The following KLHL1 variants were observed in gnomAD, a reference collection of about 807,000 sequenced individuals.
KLHL1 encodes kelch-like protein 1.
KLHL1 carries 47 observed loss-of-function variants against 77.7 expected under a neutral mutation model. That is an observed-to-expected ratio of 0.60 (90% CI 0.48 to 0.77). The LOEUF is 0.77. KLHL1 is among the 30% of genes least tolerant of loss of function. The pLI is 0.00. For synonymous variants in KLHL1, 360 were observed against 325.2 expected, an observed-to-expected ratio of 1.11 and a Z score of -1.15; for missense variants, 925 against 910.8, an observed-to-expected ratio of 1.02 and a Z score of -0.20.
intron 7 of KLHL1, among the ~76,000 whole-genome samples, chr13:69,762,590 C>G (rs750954930): frequency 7.3e-5 from 11 of 150,766 alleles, no homozygotes; most frequent in Non-Finnish European, 1.3e-4. Flanking sequence ...CTCATAATCT[C>G]ACAAATCAGA....
intron 7 of KLHL1, among the ~76,000 whole-genome samples, chr13:69,771,245 T>TTG (rs1356876144): frequency 2.0e-5 from 3 of 151,208 alleles, no homozygotes; most frequent in Non-Finnish European, 4.4e-5. Flanking sequence ...CTACAACCCA[T>TTG]TGTCTAACAC....
At chr13:70,026,325 C>A (rs1006221314) in intron 1 of KLHL1, among the ~76,000 whole-genome samples, 1 of 152,002 alleles carries the variant, frequency 6.6e-6, no homozygotes, top group African/African-American at 2.4e-5. Flanking sequence ...TGTTTTTAGA[C>A]ATTATTAGTT....
rs1462290406 is a variant in KLHL1 at position 69,877,724 on chromosome 13, T to C, written c.1227+4559A>G. Among the ~76,000 whole-genome samples, 3 of 152,306 alleles carry C rather than the reference T, an allele frequency of 2.0e-5. No homozygotes were observed. In the East Asian group the frequency reaches 5.8e-4, roughly 29 times the overall value. On this transcript the variant is annotated intron_variant, in intron 5 of 10. Coordinates refer to ENST00000377844, the MANE Select transcript of KLHL1 (RefSeq NM_020866.3). ...GAATTTGTTTCTGGATTAGTTATTA[T>C]ATTTCAATAGAGGACAGAGAGCAAC...
In KLHL1 at chr13:69,969,570, C is replaced by T. The variant is rs140286088; in HGVS notation, c.680+6050G>A. ...AACCAGCTTAATCTTATGCATAAAA[C>T]GTATATAGTTGCAGCAAGGCCACAT... On this transcript the variant is annotated intron_variant, in intron 2 of 10. Transcript: ENST00000377844. 4.2e-3 allele frequency among the ~76,000 whole-genome samples: 636 copies of T among 152,012 alleles called. 4 individuals carry two copies. Among genetic ancestry groups the T allele is most frequent in the African/African-American group, 0.014 (563 of 41,492 alleles).
chr13:69,760,390 G>C (rs571981788), intron 7 of KLHL1, among the ~76,000 whole-genome samples: 2 of 151,604 alleles, frequency 1.3e-5, no homozygotes, highest in Non-Finnish European at 2.9e-5. Flanking sequence ...AATTTCACTC[G>C]TTTTGCCCAG....
chr13:69,957,253 A>C (rs1430954042), intron 3 of KLHL1, among the ~76,000 whole-genome samples: 1 of 151,756 alleles, frequency 6.6e-6, no homozygotes, highest in Non-Finnish European at 1.5e-5. Flanking sequence ...ACAAGTAGAT[A>C]GTGATACATA....
At position 69,740,410 on chromosome 13, in the gene KLHL1, C is replaced by T; in HGVS notation, c.1786G>A (p.Ala596Thr). Residue 596 changes from alanine to threonine, a missense_variant, in exon 8 of 11, where the codon GCA (alanine) becomes ACA (threonine). Coordinates refer to ENST00000377844, the MANE Select transcript of KLHL1 (RefSeq NM_020866.3). ...MSIARSTVGV[A>T]ALNGKLYSVG... Reference sequence around the variant, plus strand: ...TTTACTTACTTGCCATTCAATGCTGCTACACCAACTGTGCTCCGAGCAATT... The same window carrying T: ...TTTACTTACTTGCCATTCAATGCTGTTACACCAACTGTGCTCCGAGCAATT... 6.2e-7 allele frequency: 1 copy of T among 1,600,008 alleles called. No homozygotes were observed. Among genetic ancestry groups the T allele is most frequent in the Non-Finnish European group, 8.5e-7 (1 of 1,171,096 alleles).
intron 6 of KLHL1, among the ~76,000 whole-genome samples, chr13:69,798,844 AAT>A (rs1877246840): frequency 6.6e-6 from 1 of 152,074 alleles, no homozygotes; most frequent in East Asian, 1.9e-4. Flanking sequence ...AAGGAAGGTG[AAT>A]CATCTGAGGT....
intron 1 of KLHL1, among the ~76,000 whole-genome samples, chr13:69,982,899 C>T (rs1884752862): frequency 6.6e-6 from 1 of 152,004 alleles, no homozygotes; most frequent in South Asian, 2.1e-4. Flanking sequence ...GACATTCAAA[C>T]TGAAAAGGGA....
chr13:69,916,631 C>T (rs773730262), intron 4 of KLHL1, among the ~76,000 whole-genome samples: 9 of 151,844 alleles, frequency 5.9e-5, no homozygotes, highest in South Asian at 2.1e-4. Context: ...AGGAGATATA[C>T]GTAATGTTAA....
chr13:69,701,802 T>G, intron 10 of KLHL1, 41 bp from the exon 11 acceptor site: 3 of 1,363,566 alleles, frequency 2.2e-6, no homozygotes, highest in Non-Finnish European at 3.1e-6. Context: ...CAAGTTTTCA[T>G]AGAAAAATAT....
At chr13:69,761,251 C>T (rs538787086) in intron 7 of KLHL1, among the ~76,000 whole-genome samples, 85 of 152,246 alleles carry the variant, frequency 5.6e-4, no homozygotes, top group Non-Finnish European at 1.1e-3. Flanking sequence ...GAAAATGATG[C>T]ACAGAAAACA....
At chr13:70,005,412 T>C (rs2137330445) in intron 1 of KLHL1, among the ~76,000 whole-genome samples, 1 of 152,164 alleles carries the variant, frequency 6.6e-6, no homozygotes, top group East Asian at 1.9e-4. Flanking sequence ...CAAGATAGCT[T>C]AGAACGTGGC....
At chr13:69,893,250 G>C (rs7336910) in intron 4 of KLHL1, among the ~76,000 whole-genome samples, 130,696 of 144,574 alleles carry the variant, frequency 0.9, 59,830 homozygotes, top group South Asian at 0.98. Flanking sequence ...TTTTTTGAGA[G>C]GGAGTCTCGC....
At chr13:69,907,137 T>C (rs1017918067) in intron 4 of KLHL1, among the ~76,000 whole-genome samples, 1 of 152,046 alleles carries the variant, frequency 6.6e-6, no homozygotes, top group African/African-American at 2.4e-5. Flanking sequence ...AGTTGATAGG[T>C]TGGTAACATA....
chr13:69,860,922 C>T (rs1189960600), intron 5 of KLHL1, among the ~76,000 whole-genome samples: 2 of 151,704 alleles, frequency 1.3e-5, no homozygotes, highest in African/African-American at 4.8e-5. Context: ...TAAGTATAAG[C>T]TAACTTTCCA....
chr13:69,830,840 T>C (rs1403672911), intron 6 of KLHL1, among the ~76,000 whole-genome samples: 1 of 150,150 alleles, frequency 6.7e-6, no homozygotes, highest in East Asian at 1.9e-4. Context: ...AATCTGATCC[T>C]GAATGATTGT....
At chr13:69,936,877 T>C (rs371789185) in intron 4 of KLHL1, among the ~76,000 whole-genome samples, 1 of 152,160 alleles carries the variant, frequency 6.6e-6, no homozygotes, top group Non-Finnish European at 1.5e-5. Flanking sequence ...GGTGTCAGCC[T>C]GCAACAGTGG....
intron 4 of KLHL1, among the ~76,000 whole-genome samples, chr13:69,886,006 A>C (rs1184848323): frequency 6.6e-6 from 1 of 152,164 alleles, no homozygotes; most frequent in Non-Finnish European, 1.5e-5. Flanking sequence ...CATAGTTGTC[A>C]ATTTGATTGA....
Sources: gnomAD v4.1 joint callset for allele counts (sites outside exome capture counted in the v4.1 genomes callset) on GRCh38, gnomAD v4.1.1 for gene constraint, MANE v1.5 for transcripts, NCBI Gene and HGNC (gene_info 2026-07-23, HGNC 2026-07-21) for gene names.